The following MYZAP variants were observed in gnomAD, a reference collection of about 807,000 sequenced individuals.
The protein encoded by MYZAP is myocardial zonula adherens protein.
In MYZAP, 66 loss-of-function variants were observed where a neutral mutation model predicts 69.4. That is an observed-to-expected ratio of 0.95 (90% CI 0.78 to 1.17). The LOEUF (loss-of-function observed/expected upper bound fraction) is 1.17, where lower values mean the gene tolerates loss of function less well. Ranked by LOEUF, MYZAP falls within the 50% of genes most tolerant of loss-of-function variation. MYZAP has a pLI of 0.00. For synonymous variants in MYZAP, 256 were observed against 205.9 expected, an observed-to-expected ratio of 1.24 and a Z score of -2.09; for missense variants, 611 against 556.2, an observed-to-expected ratio of 1.10 and a Z score of -0.99.
Position 57,674,853 on chromosome 15 carries a change from G to A in MYZAP, c.1204-115G>A, listed in dbSNP as rs1030457953. ...GTAAGTGATGCTCTGTAAATACATT[G>A]TGATAGTTGCCCATGTCATGGGGCA... On this transcript the variant is annotated intron_variant, in intron 11 of 12. Coordinates refer to ENST00000267853, the MANE Select transcript of MYZAP (RefSeq NM_001018100.5). 21 of 811,468 alleles carry A rather than the reference G, an allele frequency of 2.6e-5. No individual in the cohort carries two copies. In the African/African-American group the frequency reaches 3.6e-4, roughly 14 times the overall value. 50.3% of individuals were successfully genotyped at this position (811,468 alleles called of 1,614,324 possible).
chr15:57,648,387 C>A, intron 10 of MYZAP: 2 of 985,332 alleles, frequency 2.0e-6, no homozygotes, highest in Non-Finnish European at 2.4e-6. Flanking sequence ...ACCTGGTGCC[C>A]AGTTTCTGGC....
chr15:57,657,264 C>T (rs537461641), intron 10 of MYZAP, among the ~76,000 whole-genome samples: 114 of 152,244 alleles, frequency 7.5e-4, no homozygotes, highest in African/African-American at 2.5e-3. Context: ...TTCTTGGAAG[C>T]TTTTAGTTCC....
chr15:57,618,439 G>A (rs2035611118), intron 3 of MYZAP, among the ~76,000 whole-genome samples: 2 of 152,186 alleles, frequency 1.3e-5, no homozygotes, highest in Non-Finnish European at 2.9e-5. Context: ...AGAGCAGATG[G>A]CTTCCTCCTT....
chr15:57,596,153 G>T (rs766864802), intron 1 of MYZAP, among the ~76,000 whole-genome samples: 1 of 152,168 alleles, frequency 6.6e-6, no homozygotes. Context: ...GAGATCCCAT[G>T]GCTTTTCTAC....
At chr15:57,602,772 G>C (rs574970251) in intron 1 of MYZAP, among the ~76,000 whole-genome samples, 61 of 152,298 alleles carry the variant, frequency 4.0e-4, no homozygotes, top group African/African-American at 1.5e-3. Flanking sequence ...CAGAGGCTTA[G>C]CTTCCTCATC....
At chr15:57,592,667 T>C (rs981879112) in intron 1 of MYZAP, among the ~76,000 whole-genome samples, 10 of 152,200 alleles carry the variant, frequency 6.6e-5, no homozygotes, top group Admixed American at 3.3e-4. Context: ...GATTTAAATA[T>C]TAGCACAGTG....
At chr15:57,656,892 T>C (rs773461068) in intron 10 of MYZAP, among the ~76,000 whole-genome samples, 4 of 152,186 alleles carry the variant, frequency 2.6e-5, no homozygotes, top group Admixed American at 2.0e-4. Context: ...TGAGCCTTGT[T>C]AGAAGCTGCC....
intron 2 of MYZAP, among the ~76,000 whole-genome samples, chr15:57,612,204 G>A (rs923233670): frequency 2.6e-5 from 4 of 152,290 alleles, no homozygotes; most frequent in East Asian, 3.9e-4. Flanking sequence ...GAGGTCTGAA[G>A]TAAGAAGTTT....
At chr15:57,666,007 G>T (rs2038552149) in intron 11 of MYZAP, among the ~76,000 whole-genome samples, 1 of 152,186 alleles carries the variant, frequency 6.6e-6, no homozygotes, top group South Asian at 2.1e-4. Context: ...CCACTTGAAA[G>T]AAACTTTTTA....
intron 1 of MYZAP, among the ~76,000 whole-genome samples, chr15:57,603,469 T>C (rs984156726): frequency 2.6e-5 from 4 of 152,344 alleles, no homozygotes; most frequent in Admixed American, 2.0e-4. Context: ...TGGGATTCCA[T>C]GCCCATTAAA....
intron 11 of MYZAP, among the ~76,000 whole-genome samples, chr15:57,670,192 CGAGA>C (rs1304885602): frequency 6.6e-6 from 1 of 151,874 alleles, no homozygotes; most frequent in Non-Finnish European, 1.5e-5. Context: ...TATCAATTGC[CGAGA>C]GAAAGGTGTT....
intron 8 of MYZAP, among the ~76,000 whole-genome samples, chr15:57,636,018 G>T (rs897900900): frequency 2.6e-5 from 4 of 152,234 alleles, no homozygotes; most frequent in Non-Finnish European, 5.9e-5. Context: ...ACAAATGTAA[G>T]AAATAATTGT....
At chr15:57,616,752 G>A (rs1489148357) in intron 2 of MYZAP, among the ~76,000 whole-genome samples, 1 of 147,136 alleles carries the variant, frequency 6.8e-6, no homozygotes, top group African/African-American at 2.5e-5. Context: ...GGAGGTTGCA[G>A]TGAGCCACGA....
intron 10 of MYZAP, among the ~76,000 whole-genome samples, chr15:57,649,020 A>G (rs1160983808): frequency 6.6e-6 from 1 of 152,024 alleles, no homozygotes; most frequent in African/African-American, 2.4e-5. Context: ...TATTAAAAAT[A>G]AATTGTATTG....
intron 4 of MYZAP, among the ~76,000 whole-genome samples, chr15:57,623,658 G>T (rs1267685630): frequency 3.3e-5 from 5 of 151,952 alleles, no homozygotes; most frequent in African/African-American, 1.2e-4. Flanking sequence ...ACTTGAGCCT[G>T]GGAGGTGGAG....
At chr15:57,628,900 C>A (rs760067639) in intron 5 of MYZAP, among the ~76,000 whole-genome samples, 1 of 151,732 alleles carries the variant, frequency 6.6e-6, no homozygotes, top group Non-Finnish European at 1.5e-5. Flanking sequence ...CTGGCCAATA[C>A]GGTGAAACCC....
intron 9 of MYZAP, 82 bp from the exon 10 acceptor site, chr15:57,639,358 A>G: frequency 6.8e-7 from 1 of 1,459,984 alleles, no homozygotes; most frequent in Non-Finnish European, 9.4e-7. Flanking sequence ...TCTTGGCAAT[A>G]TTCTTTAAAG....
At chr15:57,593,190 A>ATGCGCGCGCGCG (rs376306761) in intron 1 of MYZAP, among the ~76,000 whole-genome samples, 3,695 of 108,164 alleles carry the variant, frequency 0.034, 87 homozygotes, top group Middle Eastern at 0.067. Context: ...ACACAGGCGC[A>ATGCGCGCGCGCG]CACACACACA....
At chr15:57,673,600 C>T (rs1489374035) in intron 11 of MYZAP, among the ~76,000 whole-genome samples, 2 of 151,482 alleles carry the variant, frequency 1.3e-5, no homozygotes, top group Non-Finnish European at 2.9e-5. Context: ...CATAGCATGT[C>T]ATCTACTAAG....
Sources: gnomAD v4.1 joint callset for allele counts (sites outside exome capture counted in the v4.1 genomes callset) on GRCh38, gnomAD v4.1.1 for gene constraint, MANE v1.5 for transcripts, NCBI Gene and HGNC (gene_info 2026-07-23, HGNC 2026-07-21) for gene names.